CSNK2B: variants seen among roughly 807,000 people sequenced by gnomAD.
The protein encoded by CSNK2B is casein kinase 2 beta.
CSNK2B carries 2 observed loss-of-function variants against 28.8 expected under a neutral mutation model. The ratio of observed to expected loss-of-function variants is 0.07; its 90% confidence interval spans 0.03 to 0.22. The LOEUF is 0.22. Ranked by LOEUF, CSNK2B falls within the 10% of genes least tolerant of loss-of-function variation. CSNK2B has a pLI of 1.00. For synonymous variants in CSNK2B, 89 were observed against 96.1 expected (o/e 0.93, Z 0.43); for missense variants, 107 against 277.9 (o/e 0.39, Z 4.37).
chr6:31,669,008 G>A lies in CSNK2B; in HGVS notation c.292-89G>A, dbSNP rs1322875659. The A allele has an allele frequency of 1.3e-5, 12 of 934,916 alleles. No individual in the cohort carries two copies. Among genetic ancestry groups the A allele is most frequent in the Admixed American group, 1.8e-5 (1 of 55,534 alleles). The allele number at this position is 934,916 out of a possible 1,614,324, so 57.9% of individuals were successfully genotyped here. ...GCCTCTGGACAGAGGTGGGAGGAGT[G>A]GGGGACAGAGTGGTATGGGTTGGGC... On this transcript the variant is annotated intron_variant, in intron 4 of 6. Coordinates refer to ENST00000375882, the MANE Select transcript of CSNK2B (RefSeq NM_001320.7). This position sits in a 1 kb window ranked among gnomAD's most constrained non-coding sequence, Gnocchi z 4.8.
intron 3 of CSNK2B, 115 bp downstream of exon 3, chr6:31,668,085 C>T (rs1421585581): frequency 1.3e-6 from 1 of 745,022 alleles, no homozygotes; most frequent in South Asian, 1.5e-5. Flanking sequence ...TCTTTAACCC[C>T]AAATTCATGC....
intron 2 of CSNK2B, 30 bp from the exon 3 acceptor site, chr6:31,667,838 G>A (rs754669906): frequency 7.5e-6 from 10 of 1,328,592 alleles, no homozygotes; most frequent in Non-Finnish European, 1.0e-5. Context: ...TTTTGATATG[G>A]GTTCCCTCTT....
chr6:31,667,596 C>T (rs746187227), intron 2 of CSNK2B, among the ~76,000 whole-genome samples: 4 of 152,160 alleles, frequency 2.6e-5, no homozygotes, highest in Non-Finnish European at 4.4e-5. Context: ...AGACGGGATA[C>T]AGGAGTGGAG....
chr6:31,668,154 C>T, intron 3 of CSNK2B, 184 bp downstream of exon 3: 2 of 653,788 alleles, frequency 3.1e-6, no homozygotes, highest in Non-Finnish European at 2.7e-6. Context: ...CACTTGTTCT[C>T]ATGTTTTCTA....
intron 4 of CSNK2B, 96 bp downstream of exon 4, chr6:31,668,750 TAGCTGAGAAGAG>T: frequency 8.6e-7 from 1 of 1,166,390 alleles, no homozygotes. Context: ...TTAAGGAAGC[TAGCTGAGAAGAG>T]GGGAAGAACC....
rs1291564701 is a variant in CSNK2B at position 31,669,166 on chromosome 6, C to T, written c.361C>T (p.Pro121Ser). The change falls in exon 5 of 7, where the codon CCC (proline) becomes TCC (serine). Residue 121 changes from proline (P) to serine (S), a missense_variant. Coordinates refer to ENST00000375882, the MANE Select transcript of CSNK2B (RefSeq NM_001320.7). This position sits in a 1 kb window ranked among gnomAD's most constrained non-coding sequence, Gnocchi z 4.8. ...RVYCENQPML[P>S]IGLSDIPGEA... ...GTACTGTGAGAACCAGCCAATGCTT[C>T]CCATTGGTGAGTGTTGAAGAAGGGA... The T allele has an allele frequency of 6.2e-7, 1 of 1,612,886 alleles. No individual in the cohort carries two copies. The highest frequency in any genetic ancestry group is 1.7e-5 in the Admixed American group (1 of 60,008).
chr6:31,666,793 A>C lies in CSNK2B; in HGVS notation c.-11-28A>C, dbSNP rs9267529. On this transcript the variant is annotated intron_variant, in intron 1 of 6. Coordinates refer to ENST00000375882, the MANE Select transcript of CSNK2B (RefSeq NM_001320.7). ...ACCAGAGGCAGGGAAGGAGAACTTG[A>C]GCTTTACTGACACTGTTCTTTTTCT... 119,326 of 1,582,494 alleles carry C rather than the reference A, an allele frequency of 0.075. 5,315 individuals carry two copies. The highest frequency in any genetic ancestry group is 0.16 in the African/African-American group (11,754 of 74,110).
In CSNK2B at chr6:31,669,389, C is replaced by G; in HGVS notation, c.438C>G (p.Pro146=). 6.2e-7 allele frequency: 1 copy of G among 1,614,174 alleles called. No individual in the cohort carries two copies. The highest frequency in any genetic ancestry group is 8.5e-7 in the Non-Finnish European group (1 of 1,180,030). ...YCPKCMDVYT[P]KSSRHHHTDG... is the part of the protein sequence containing the mutation. ...CCAAGTGCATGGATGTGTACACACC[C>G]AAGTCATCAAGACACCATCACACGG... Residue 146 remains proline (P), a synonymous_variant, in exon 6 of 7, where the codon CCC becomes CCG. Coordinates refer to ENST00000375882, the MANE Select transcript of CSNK2B (RefSeq NM_001320.7). This position sits in a 1 kb window ranked among gnomAD's most constrained non-coding sequence, Gnocchi z 4.8.
chr6:31,668,171 C>A, intron 3 of CSNK2B: 1 of 622,432 alleles, frequency 1.6e-6, no homozygotes, highest in Non-Finnish European at 2.8e-6. Context: ...TCTAAATCCG[C>A]AATTCAGACC....
Position 31,668,076 on chromosome 6 carries a change from C to T in CSNK2B, c.175+106C>T, listed in dbSNP as rs751098689. On this transcript the variant is annotated intron_variant, in intron 3 of 6. Transcript: ENST00000375882. ...GAAATTTCCTTTGGTTCTCTGATTT[C>T]TTTAACCCCAAATTCATGCTTTATT... is the stretch of plus-strand genomic sequence containing the variant. The T allele has an allele frequency of 6.4e-6, 5 of 781,132 alleles. No homozygotes were observed. The South Asian group carries it at 7.2e-5, about 11-fold the overall frequency. 48.4% of individuals were successfully genotyped at this position (781,132 alleles called of 1,614,324 possible).
Position 31,666,922 on chromosome 6 carries a change from C to T in CSNK2B, c.72+19C>T, listed in dbSNP as rs567718424. The T allele has an allele frequency of 1.2e-5, 19 of 1,593,656 alleles. No individual in the cohort carries two copies. Among genetic ancestry groups the T allele is most frequent in the Admixed American group, 8.3e-5 (5 of 59,980 alleles). ...CTGTGAAGTGAGTTCTCTTCAACCT[C>T]CCTACTTGCCAGCTTCACATATCTT... On this transcript the variant is annotated intron_variant, in intron 2 of 6. Transcript: ENST00000375882.
chr6:31,669,243 T>C lies in CSNK2B; in HGVS notation c.367+71T>C. The C allele has an allele frequency of 1.3e-6, 2 of 1,597,470 alleles. No individual in the cohort carries two copies. The highest frequency in any genetic ancestry group is 1.7e-6 in the Non-Finnish European group (2 of 1,165,440). ...TGGGAAGGAGTTGGGGCTCAACACATTGGAGCCTGAGTCCTGAGGGGAGGT... is the reference window on the plus strand; with the variant it reads ...TGGGAAGGAGTTGGGGCTCAACACACTGGAGCCTGAGTCCTGAGGGGAGGT... On this transcript the variant is annotated intron_variant, in intron 5 of 6. Transcript: ENST00000375882. The surrounding 1 kb of genome is among the most constrained non-coding windows in gnomAD (Gnocchi z 4.8).
chr6:31,669,822 C>T lies in CSNK2B; in HGVS notation c.558-14C>T. 1.2e-6 allele frequency: 2 copies of T among 1,608,242 alleles called. No individual in the cohort carries two copies. The highest frequency in any genetic ancestry group is 1.7e-6 in the Non-Finnish European group (2 of 1,177,962). On this transcript the variant is annotated splice_polypyrimidine_tract_variant and intron_variant, in intron 6 of 6. Transcript: ENST00000375882. This position sits in a 1 kb window ranked among gnomAD's most constrained non-coding sequence, Gnocchi z 4.8. ...GCTCATGCTGCTGCCTCTCTGACCTCTGCCCTGGCCTAGGCTCTACGGTTT... is the reference window on the plus strand; with the variant it reads ...GCTCATGCTGCTGCCTCTCTGACCTTTGCCCTGGCCTAGGCTCTACGGTTT...
Position 31,666,092 on chromosome 6 carries a change from C to T in CSNK2B, c.-128C>T, listed in dbSNP as rs1801654465. 1.0e-6 allele frequency: 1 copy of T among 993,658 alleles called. No homozygotes were observed. The highest frequency in any genetic ancestry group is 1.2e-6 in the Non-Finnish European group (1 of 833,506). 61.6% of individuals were successfully genotyped at this position (993,658 alleles called of 1,614,324 possible). ...CCCCACCCTCCCTAATTTCCACTCC[C>T]CCCACCCCACTTCGCCTGCCGCGGT... On this transcript the variant is annotated 5_prime_UTR_variant, in exon 1 of 7. Transcript: ENST00000375882.
Position 31,669,410 on chromosome 6 carries a change from C to T in CSNK2B, c.459C>T (p.His153=). The T allele has an allele frequency of 1.2e-6, 2 of 1,614,182 alleles. No homozygotes were observed. Among genetic ancestry groups the T allele is most frequent in the Middle Eastern group, 1.6e-4 (1 of 6,062 alleles). Residue 153 remains histidine, a synonymous_variant, in exon 6 of 7, where the codon CAC becomes CAT. Transcript: ENST00000375882. The surrounding 1 kb of genome is among the most constrained non-coding windows in gnomAD (Gnocchi z 4.8). ...CACCCAAGTCATCAAGACACCATCA[C>T]ACGGATGGCGCCTACTTCGGCACTG... ...VYTPKSSRHH[H]TDGAYFGTGF...
At chr6:31,668,241 C>T in intron 3 of CSNK2B, 2 of 603,944 alleles carry the variant, frequency 3.3e-6, no homozygotes, top group Non-Finnish European at 5.9e-6. Flanking sequence ...TGCTTTGCAC[C>T]TTCCAGTCTA....
intron 2 of CSNK2B, chr6:31,667,116 T>C (rs1801801850): frequency 1.4e-6 from 1 of 698,274 alleles, no homozygotes; most frequent in African/African-American, 1.8e-5. Context: ...AATATAACGT[T>C]GGGCTAGTCA....
chr6:31,669,782 C>A lies in CSNK2B; in HGVS notation c.558-54C>A. Reference sequence around the variant, plus strand: ...GGGAGGTGGGAATGCAGGTGACTGGCAGGGCCTGGATGGGGCTCATGCTGC... The same window carrying A: ...GGGAGGTGGGAATGCAGGTGACTGGAAGGGCCTGGATGGGGCTCATGCTGC... On this transcript the variant is annotated intron_variant, in intron 6 of 6. Transcript: ENST00000375882. This position sits in a 1 kb window ranked among gnomAD's most constrained non-coding sequence, Gnocchi z 4.8. The A allele has an allele frequency of 1.4e-6, 2 of 1,471,154 alleles. No individual in the cohort carries two copies. Among genetic ancestry groups the A allele is most frequent in the Admixed American group, 1.9e-5 (1 of 51,500 alleles). 91.1% of individuals were successfully genotyped at this position (1,471,154 alleles called of 1,614,324 possible). A position where few individuals can be genotyped will look rare whatever the true frequency, so the allele number is the denominator to read the frequency against.
At chr6:31,666,269 C>G in intron 1 of CSNK2B, 61 bp downstream of exon 1, 14 of 883,240 alleles carry the variant, frequency 1.6e-5, no homozygotes, top group Non-Finnish European at 1.9e-5. Flanking sequence ...CATGGGGTCT[C>G]CGGACTTTGA....
Sources: gnomAD v4.1 joint callset for allele counts (sites outside exome capture counted in the v4.1 genomes callset) on GRCh38, gnomAD v4.1.1 for gene constraint, Gnocchi (gnomAD v3.1) non-coding constraint, MANE v1.5 for transcripts, NCBI Gene and HGNC (gene_info 2026-07-23, HGNC 2026-07-21) for gene names.